The following GRB10 variants were observed in gnomAD, a reference collection of about 807,000 sequenced individuals.
GRB10 encodes the protein growth factor receptor-bound protein 10.
GRB10 carries 20 observed loss-of-function variants against 80.9 expected under a neutral mutation model. The ratio of observed to expected loss-of-function variants is 0.25; its 90% CI spans 0.17 to 0.36. GRB10 has a LOEUF of 0.36. GRB10 is among the 10% of genes least tolerant of loss of function. GRB10 has a pLI of 1.00. For missense variants in GRB10, 548 were observed against 747.7 expected (o/e 0.73, Z 3.12); for synonymous variants, 291 against 291.5 (o/e 1.00, Z 0.02).
intron 5 of GRB10, among the ~76,000 whole-genome samples, chr7:50,676,910 C>A (rs1470694897): frequency 6.6e-6 from 1 of 152,124 alleles, no homozygotes; most frequent in Non-Finnish European, 1.5e-5. Flanking sequence ...AGAAGGGAGG[C>A]TGCTGAAATG....
intron 5 of GRB10, among the ~76,000 whole-genome samples, chr7:50,686,486 G>A (rs1331149107): frequency 6.6e-6 from 1 of 152,190 alleles, no homozygotes; most frequent in Non-Finnish European, 1.5e-5. Flanking sequence ...TTATTTTTGA[G>A]GTGCCTTCTG....
chr7:50,772,860 A>G (rs1205655694), intron 2 of GRB10, among the ~76,000 whole-genome samples: 4 of 152,266 alleles, frequency 2.6e-5, no homozygotes, highest in South Asian at 2.1e-4. Context: ...CACATAACTG[A>G]TAAGAGTATT....
chr7:50,668,519 G>A (rs771529512), intron 7 of GRB10, among the ~76,000 whole-genome samples: 2 of 152,156 alleles, frequency 1.3e-5, no homozygotes, highest in Non-Finnish European at 2.9e-5. Flanking sequence ...CTGCTTACAG[G>A]GGCCTCCCTT....
At chr7:50,624,724 G>T (rs577943927) in intron 8 of GRB10, among the ~76,000 whole-genome samples, 86 of 152,318 alleles carry the variant, frequency 5.6e-4, no homozygotes, top group African/African-American at 1.9e-3. Flanking sequence ...AACGGGACTG[G>T]TGGTGAGAAA....
chr7:50,690,281 A>G (rs1157180209), intron 5 of GRB10, among the ~76,000 whole-genome samples: 1 of 151,370 alleles, frequency 6.6e-6, no homozygotes, highest in Non-Finnish European at 1.5e-5. Flanking sequence ...GGGCAACAAG[A>G]GCGAAACTCT....
At chr7:50,713,560 T>A (rs543053109) in intron 4 of GRB10, among the ~76,000 whole-genome samples, 116 of 99,458 alleles carry the variant, frequency 1.2e-3, no homozygotes, top group African/African-American at 4.5e-3. Flanking sequence ...CACCTCCACC[T>A]CCTCCACCAT....
intron 3 of GRB10, among the ~76,000 whole-genome samples, chr7:50,750,635 C>A (rs2073972059): frequency 6.6e-6 from 1 of 152,172 alleles, no homozygotes; most frequent in Admixed American, 6.5e-5. Context: ...AGATGAGTAT[C>A]ACGCTTAGGT....
chr7:50,748,169 C>A (rs2153699669), intron 3 of GRB10, among the ~76,000 whole-genome samples: 1 of 152,288 alleles, frequency 6.6e-6, no homozygotes, highest in African/African-American at 2.4e-5. Context: ...TCACCCCCCG[C>A]CCCATCTTTA....
At chr7:50,727,604 C>G (rs188695417) in intron 4 of GRB10, among the ~76,000 whole-genome samples, 1 of 152,194 alleles carries the variant, frequency 6.6e-6, no homozygotes, top group Admixed American at 6.5e-5. Context: ...CAGCAATTTG[C>G]CAGATCAATG....
chr7:50,716,168 C>T (rs1375653318), intron 4 of GRB10, among the ~76,000 whole-genome samples: 1 of 152,208 alleles, frequency 6.6e-6, no homozygotes, highest in Non-Finnish European at 1.5e-5. Context: ...TGGAGAGAAG[C>T]GTGTTCCCAC....
chr7:50,754,852 A>G (rs1342691938), intron 3 of GRB10, among the ~76,000 whole-genome samples: 2 of 152,166 alleles, frequency 1.3e-5, no homozygotes, highest in African/African-American at 4.8e-5. Context: ...TTGGAAACAG[A>G]GCCTTTACAG....
intron 6 of GRB10, 51 bp downstream of exon 6, chr7:50,674,385 C>T (rs759022824): frequency 3.9e-6 from 6 of 1,541,798 alleles, no homozygotes; most frequent in East Asian, 4.5e-5. Flanking sequence ...AGTGTCCCTG[C>T]CGACAGCTCT....
intron 1 of GRB10, among the ~76,000 whole-genome samples, chr7:50,791,031 C>T (rs753167108): frequency 6.6e-6 from 1 of 152,200 alleles, no homozygotes; most frequent in Non-Finnish European, 1.5e-5. Flanking sequence ...CCATACAAAG[C>T]TCTGGACAAG....
At chr7:50,737,756 G>A (rs2071053964) in intron 3 of GRB10, among the ~76,000 whole-genome samples, 4 of 152,230 alleles carry the variant, frequency 2.6e-5, no homozygotes, top group African/African-American at 9.6e-5. Flanking sequence ...GGCTGAAGCA[G>A]GAGAATTGCT....
At chr7:50,728,270 A>AAAT (rs568521216) in intron 4 of GRB10, among the ~76,000 whole-genome samples, 1,668 of 152,002 alleles carry the variant, frequency 0.011, 31 homozygotes, top group African/African-American at 0.035. Context: ...CTTTCACTAA[A>AAAT]AATAATAATA....
intron 8 of GRB10, among the ~76,000 whole-genome samples, chr7:50,622,790 T>C (rs2715141): frequency 0.21 from 31,062 of 147,240 alleles, 7,586 homozygotes; most frequent in African/African-American, 0.6. Context: ...CCTTTTATCT[T>C]TTTTTTTTTT....
In GRB10 at chr7:50,756,772, G is replaced by C. The variant is rs571959717; in HGVS notation, c.-216-716C>G. On this transcript the variant is annotated intron_variant, in intron 2 of 18. Coordinates refer to ENST00000401949, the MANE Select transcript of GRB10 (RefSeq NM_001350814.2). ...AACTCACTGGTCTTCCCAGGCTCTG[G>C]TCCCACTGCAGAGCATGGGGATGAA... Among the ~76,000 whole-genome samples, 12 of 152,272 alleles carry C rather than the reference G, an allele frequency of 7.9e-5. No homozygotes were observed. In the East Asian group the frequency reaches 2.3e-3, roughly 29 times the overall value.
intron 4 of GRB10, among the ~76,000 whole-genome samples, chr7:50,711,952 T>C (rs1305142888): frequency 6.6e-6 from 1 of 152,124 alleles, no homozygotes; most frequent in East Asian, 1.9e-4. Flanking sequence ...GCCCAGCGAA[T>C]CACATCTCGT....
At chr7:50,737,972 T>C (rs556864701) in intron 3 of GRB10, among the ~76,000 whole-genome samples, 69 of 152,342 alleles carry the variant, frequency 4.5e-4, no homozygotes, top group African/African-American at 1.6e-3. Flanking sequence ...TGAATAGACT[T>C]TTCTCCAAAG....
Sources: gnomAD v4.1 joint callset for allele counts (sites outside exome capture counted in the v4.1 genomes callset) on GRCh38, gnomAD v4.1.1 for gene constraint, MANE v1.5 for transcripts, NCBI Gene and HGNC (gene_info 2026-07-23, HGNC 2026-07-21) for gene names.